The following ACTL8 variants were observed in gnomAD, a reference collection of about 807,000 sequenced individuals.
ACTL8 encodes actin-like protein 8.
Under a neutral mutation model 9.3 loss-of-function variants are expected in ACTL8, and 3 were observed. The ratio of observed to expected loss-of-function variants is 0.32; its 90% CI spans 0.15 to 0.83. The LOEUF (loss-of-function observed/expected upper bound fraction) is 0.83. ACTL8 is among the 40% of genes least tolerant of loss of function. ACTL8 has a pLI of 0.57. For synonymous variants in ACTL8, 224 were observed against 205.9 expected (o/e 1.09, Z -0.75); for missense variants, 381 against 492.2 (o/e 0.77, Z 2.14).
chr1:17,770,518 T>C (rs1161293908), intron 1 of ACTL8, among the ~76,000 whole-genome samples: 4 of 152,122 alleles, frequency 2.6e-5, no homozygotes, highest in Non-Finnish European at 5.9e-5. Context: ...GTCTGGAGGG[T>C]GTTCGTGGAT....
Position 17,767,388 on chromosome 1 carries a change from G to A in ACTL8, c.-25+11884G>A, listed in dbSNP as rs1185216587. Among the ~76,000 whole-genome samples the A allele has an allele frequency of 2.6e-5, 4 of 152,134 alleles. No individual in the cohort carries two copies. Among genetic ancestry groups the A allele is most frequent in the South Asian group, 2.1e-4 (1 of 4,832 alleles). Reference sequence around the variant, plus strand: ...CGTCCCTGTGGTACAGGGGTGAGACGATGCTGGCAACTTAGCCTCAGGGTG... The same window carrying A: ...CGTCCCTGTGGTACAGGGGTGAGACAATGCTGGCAACTTAGCCTCAGGGTG... On this transcript the variant is annotated intron_variant, in intron 1 of 2. Transcript: ENST00000375406. This position sits in a 1 kb window ranked among gnomAD's most constrained non-coding sequence, Gnocchi z 4.7.
rs201173044 is a variant in ACTL8 at position 17,826,276 on chromosome 1, C to T, written c.858C>T (p.Ser286=). Residue 286 remains serine, a synonymous_variant, in exon 3 of 3, where the codon TCC becomes TCT. Transcript: ENST00000375406. The surrounding 1 kb of genome is among the most constrained non-coding windows in gnomAD (Gnocchi z 4.5). ...IVESVESCEI[S]LRPLLVSHVM... is the part of the protein sequence containing the mutation. ...AATCCGTGGAGTCCTGCGAGATCTC[C>T]CTGCGCCCCCTGCTGGTCTCCCACG... 6.2e-6 allele frequency: 10 copies of T among 1,611,184 alleles called. No individual in the cohort carries two copies. The highest frequency in any genetic ancestry group is 1.3e-5 in the African/African-American group (1 of 74,868).
intron 1 of ACTL8, among the ~76,000 whole-genome samples, chr1:17,766,904 C>A (rs1034206627): frequency 1.3e-5 from 2 of 152,126 alleles, no homozygotes; most frequent in Admixed American, 6.5e-5. Flanking sequence ...ATGTACTGAC[C>A]ATTGTTCTAG....
intron 1 of ACTL8, among the ~76,000 whole-genome samples, chr1:17,756,120 A>G (rs2065967934): frequency 6.7e-6 from 1 of 149,544 alleles, no homozygotes; most frequent in Non-Finnish European, 1.5e-5. Flanking sequence ...TCCTTGGGGG[A>G]TCAATCACAG....
rs905844110 is a variant in ACTL8 at position 17,825,637 on chromosome 1, A to AG, written c.349-126dup. 5 of 1,216,366 alleles carry AG rather than the reference A, an allele frequency of 4.1e-6. No homozygotes were observed. In the African/African-American group the frequency reaches 4.6e-5, roughly 11 times the overall value. 75.3% of individuals were successfully genotyped at this position (1,216,366 alleles called of 1,614,324 possible). A position where few individuals can be genotyped will look rare whatever the true frequency, so the allele number is the denominator to read the frequency against. On this transcript the variant is annotated intron_variant, in intron 2 of 2. Coordinates refer to ENST00000375406, the MANE Select transcript of ACTL8 (RefSeq NM_030812.3). ...GCATTATCCTCACTGCATAAGCTCC[A>AG]GGGGCCCTGGGCGCAGCATCCTGGG...
intron 1 of ACTL8, among the ~76,000 whole-genome samples, chr1:17,772,135 C>G (rs1215284670): frequency 1.3e-5 from 2 of 152,224 alleles, no homozygotes; most frequent in African/African-American, 4.8e-5. Context: ...CTTCCGTGTT[C>G]ACCTAGTGTT....
chr1:17,760,766 C>T (rs1024075238), intron 1 of ACTL8, among the ~76,000 whole-genome samples: 1 of 152,158 alleles, frequency 6.6e-6, no homozygotes, highest in Non-Finnish European at 1.5e-5. Flanking sequence ...GGGCACTTTG[C>T]CCAGCCCCCT....
intron 1 of ACTL8, among the ~76,000 whole-genome samples, chr1:17,821,495 T>C (rs1353941556): frequency 6.6e-6 from 1 of 152,270 alleles, no homozygotes; most frequent in Non-Finnish European, 1.5e-5. Flanking sequence ...CCAATTGTTC[T>C]TTGCTATTTG....
intron 1 of ACTL8, among the ~76,000 whole-genome samples, chr1:17,776,609 TC>T (rs2066119887): frequency 6.6e-6 from 1 of 152,126 alleles, no homozygotes; most frequent in Non-Finnish European, 1.5e-5. Context: ...TGCCATATGT[TC>T]CTAATGGCCT....
intron 1 of ACTL8, among the ~76,000 whole-genome samples, chr1:17,785,916 T>G (rs1408942149): frequency 6.6e-6 from 1 of 152,166 alleles, no homozygotes; most frequent in South Asian, 2.1e-4. Flanking sequence ...AGGTGGTGAC[T>G]GGGCTGTGTT....
rs184989014 is a variant in ACTL8, at chr1:17,814,512, T to C, written c.-24-8473T>C. The stretch of plus-strand genomic sequence containing the variant: ...TACAATAACACGCCATACCCGTTTG[T>C]AGCATAGCAAGACTCCATATCTACC... On this transcript the variant is annotated intron_variant, in intron 1 of 2. Transcript: ENST00000375406. Among the ~76,000 whole-genome samples, 8 of 152,282 alleles carry C rather than the reference T, an allele frequency of 5.3e-5. No homozygotes were observed. In the East Asian group the frequency reaches 1.4e-3, roughly 26 times the overall value.
chr1:17,825,662 G>A lies in ACTL8; in HGVS notation c.349-105G>A. On this transcript the variant is annotated intron_variant, in intron 2 of 2. Coordinates refer to ENST00000375406, the MANE Select transcript of ACTL8 (RefSeq NM_030812.3). The stretch of plus-strand genomic sequence containing the variant: ...AGGGGCCCTGGGCGCAGCATCCTGG[G>A]GCAGCCCGAGAGTCCCCCCGAGGAT... The A allele has an allele frequency of 2.1e-6, 3 of 1,438,710 alleles. No individual in the cohort carries two copies. The Middle Eastern group carries it at 7.4e-4, about 357-fold the overall frequency. The allele number at this position is 1,438,710 out of a possible 1,614,324, so 89.1% of individuals were successfully genotyped here.
intron 1 of ACTL8, among the ~76,000 whole-genome samples, chr1:17,789,113 T>C (rs2066219757): frequency 1.3e-5 from 2 of 152,234 alleles, no homozygotes; most frequent in African/African-American, 4.8e-5. Flanking sequence ...AGGCAGTGCA[T>C]GTTCTTAATT....
In ACTL8 at chr1:17,823,744, A is replaced by G. The variant is rs2053684745; in HGVS notation, c.348+388A>G. Among the ~76,000 whole-genome samples the G allele has an allele frequency of 1.3e-5, 2 of 151,872 alleles. No homozygotes were observed. The highest frequency in any genetic ancestry group is 4.2e-4 in the South Asian group (2 of 4,808). On this transcript the variant is annotated intron_variant, in intron 2 of 2. Coordinates refer to ENST00000375406, the MANE Select transcript of ACTL8 (RefSeq NM_030812.3). This position sits in a 1 kb window ranked among gnomAD's most constrained non-coding sequence, Gnocchi z 5.3. The stretch of plus-strand genomic sequence containing the variant: ...CCCTGTCTCAAAAAAACAAACAAAC[A>G]AAAAAACCCAACAGAAACCAACAAA...
intron 1 of ACTL8, among the ~76,000 whole-genome samples, chr1:17,785,446 T>C (rs1254675621): frequency 1.3e-5 from 2 of 152,218 alleles, no homozygotes; most frequent in Non-Finnish European, 2.9e-5. Flanking sequence ...GACTATCCCC[T>C]TTTGTCCTGG....
intron 1 of ACTL8, among the ~76,000 whole-genome samples, chr1:17,778,548 T>C (rs1377397238): frequency 1.3e-5 from 2 of 152,108 alleles, no homozygotes; most frequent in East Asian, 1.9e-4. Flanking sequence ...CCAAGGACCC[T>C]GGGATCCCAA....
chr1:17,773,645 G>A (rs1431658147), intron 1 of ACTL8, among the ~76,000 whole-genome samples: 3 of 152,168 alleles, frequency 2.0e-5, no homozygotes, highest in Admixed American at 6.5e-5. Context: ...AAGAGGAGGC[G>A]GGGCTGCAAG....
intron 1 of ACTL8, among the ~76,000 whole-genome samples, 167 bp from the exon 2 acceptor site, chr1:17,822,818 G>C (rs2124194695): frequency 6.6e-6 from 1 of 152,280 alleles, no homozygotes; most frequent in Non-Finnish European, 1.5e-5. Flanking sequence ...TGGGAATTTG[G>C]GATGGGGGGA....
At chr1:17,822,827 G>T (rs749470449) in intron 1 of ACTL8, among the ~76,000 whole-genome samples, 158 bp from the exon 2 acceptor site, 21 of 152,168 alleles carry the variant, frequency 1.4e-4, no homozygotes, top group Non-Finnish European at 4.4e-5. Flanking sequence ...GGGATGGGGG[G>T]AGTGTTCCAG....
Sources: gnomAD v4.1 joint callset for allele counts (sites outside exome capture counted in the v4.1 genomes callset) on GRCh38, gnomAD v4.1.1 for gene constraint, Gnocchi (gnomAD v3.1) non-coding constraint, MANE v1.5 for transcripts, NCBI Gene and HGNC (gene_info 2026-07-23, HGNC 2026-07-21) for gene names.